Variants in CCN5 observed in about 807,000 individuals in gnomAD.
CCN5 encodes the protein CCN family member 5.
A neutral mutation model predicts 18.7 loss-of-function variants in CCN5; 17 were observed. The observed-to-expected ratio is 0.91, with a 90% CI of 0.62 to 1.36. The LOEUF is 1.36. Ranked by LOEUF, CCN5 falls within the 40% of genes most tolerant of loss-of-function variation. The pLI, the probability that CCN5 is intolerant of heterozygous loss-of-function variation, is 0.00. For missense variants in CCN5, 367 were observed against 342.9 expected (o/e 1.07, Z -0.56); for synonymous variants, 135 against 145.2 (o/e 0.93, Z 0.50).
rs1470651346 is a variant in CCN5 at position 44,724,929 on chromosome 20, T to C, written c.469T>C (p.Cys157Arg). Residue 157 changes from cysteine (C) to arginine (R), a missense_variant, in exon 3 of 4, where the codon TGC (cysteine) becomes CGC (arginine). Coordinates refer to ENST00000190983, the MANE Select transcript of CCN5 (RefSeq NM_003881.4). ...HPRRVEVLGK[C>R]CPEWVCGQGG... Reference sequence around the variant, plus strand: ...CAGGAGGGTCGAGGTCCTGGGCAAGTGCTGCCCTGAGTGGGTGTGCGGCCA... The same window carrying C: ...CAGGAGGGTCGAGGTCCTGGGCAAGCGCTGCCCTGAGTGGGTGTGCGGCCA... The C allele has an allele frequency of 6.3e-7, 1 of 1,597,386 alleles. No individual in the cohort carries two copies. The highest frequency in any genetic ancestry group is 1.1e-5 in the South Asian group (1 of 88,126).
upstream of CCN5, chr20:44,714,992 C>A: frequency 1.0e-5 from 2 of 198,028 alleles, no homozygotes; most frequent in Non-Finnish European, 1.1e-5. Context: ...ACAACTACAG[C>A]AGGGCTAGGA....
Position 44,717,629 on chromosome 20 carries a change from C to A in CCN5, c.60+2179C>A, listed in dbSNP as rs1301759341. On this transcript the variant is annotated intron_variant, in intron 1 of 3. Coordinates refer to ENST00000190983, the MANE Select transcript of CCN5 (RefSeq NM_003881.4). ...TGGTGGCTCATGCCTGTAATCCCAG[C>A]ACTTTGGGAGGCCGAGGTGGGTGGA... Among the ~76,000 whole-genome samples the A allele has an allele frequency of 2.0e-5, 3 of 152,114 alleles. No individual in the cohort carries two copies. In the East Asian group the frequency reaches 5.8e-4, roughly 29 times the overall value.
intron 2 of CCN5, among the ~76,000 whole-genome samples, chr20:44,722,940 C>T (rs891159185): frequency 6.6e-6 from 1 of 152,136 alleles, no homozygotes; most frequent in African/African-American, 2.4e-5. Flanking sequence ...TGCCCCTGGT[C>T]TATTCACAAC....
upstream of CCN5, chr20:44,715,286 T>A: frequency 2.2e-6 from 2 of 906,814 alleles, no homozygotes; most frequent in Non-Finnish European, 1.7e-6. Flanking sequence ...CGCGCGTGTG[T>A]ACTCGTGCGT....
chr20:44,715,404 C>G lies in CCN5; in HGVS notation c.14C>G (p.Pro5Arg), dbSNP rs374907944. The G allele has an allele frequency of 2.5e-6, 4 of 1,603,086 alleles. No homozygotes were observed. Among genetic ancestry groups the G allele is most frequent in the African/African-American group, 2.7e-5 (2 of 74,650 alleles). Residue 5 changes from proline (P) to arginine (R), a missense_variant, in exon 1 of 4, where the codon CCG (proline) becomes CGG (arginine). Physicochemically the swap from Pro to Arg is moderately radical, Grantham distance 103. Coordinates refer to ENST00000190983, the MANE Select transcript of CCN5 (RefSeq NM_003881.4). MRGT[P>R]KTHLLAFSLL... ...TCTGCAGGGGACATGAGAGGCACAC[C>G]GAAGACCCACCTCCTGGCCTTCTCC...
At chr20:44,719,006 G>T (rs556915842) in intron 1 of CCN5, among the ~76,000 whole-genome samples, 13 of 152,182 alleles carry the variant, frequency 8.5e-5, no homozygotes, top group African/African-American at 3.1e-4. Flanking sequence ...TGAATGGATC[G>T]AAAGGCCAAA....
intron 2 of CCN5, 126 bp downstream of exon 2, chr20:44,720,239 A>C: frequency 9.6e-7 from 1 of 1,043,210 alleles, no homozygotes; most frequent in Non-Finnish European, 1.4e-6. Context: ...TATCCCATCC[A>C]TTCCAGCTGA....
chr20:44,725,309 G>C (rs2065929260), intron 3 of CCN5, among the ~76,000 whole-genome samples: 1 of 152,098 alleles, frequency 6.6e-6, no homozygotes, highest in African/African-American at 2.4e-5. Context: ...ATGGTGGCGG[G>C]CATCTGTAGT....
intron 3 of CCN5, among the ~76,000 whole-genome samples, chr20:44,726,785 T>C (rs992493540): frequency 2.6e-5 from 4 of 152,090 alleles, no homozygotes; most frequent in Non-Finnish European, 5.9e-5. Flanking sequence ...GCCTGTAAAA[T>C]GCTGTTTATC....
chr20:44,724,836 G>A lies in CCN5; in HGVS notation c.376G>A (p.Gly126Ser), dbSNP rs1165961240. Reference protein sequence around the residue: ...HCSIRCRCEDGGFTCVPLCSE... With the variant: ...HCSIRCRCEDSGFTCVPLCSE... ...CAGCATCCGCTGCCGCTGCGAGGAC[G>A]GCGGCTTCACCTGCGTGCCGCTGTG... Residue 126 changes from glycine to serine, a missense_variant, in exon 3 of 4, where the codon GGC becomes AGC. Coordinates refer to ENST00000190983, the MANE Select transcript of CCN5 (RefSeq NM_003881.4). 5 of 1,603,986 alleles carry A rather than the reference G, an allele frequency of 3.1e-6. No homozygotes were observed. Among genetic ancestry groups the A allele is most frequent in the African/African-American group, 1.3e-5 (1 of 74,856 alleles).
chr20:44,718,741 G>A (rs368182052), intron 1 of CCN5, among the ~76,000 whole-genome samples: 1 of 152,190 alleles, frequency 6.6e-6, no homozygotes, highest in Non-Finnish European at 1.5e-5. Flanking sequence ...ACACACTGAC[G>A]TGTGCTAAGT....
intron 1 of CCN5, among the ~76,000 whole-genome samples, chr20:44,716,274 C>T (rs1357361831): frequency 6.6e-6 from 1 of 152,176 alleles, no homozygotes; most frequent in Non-Finnish European, 1.5e-5. Flanking sequence ...GGACCAAGGC[C>T]ACAGCTGCTA....
chr20:44,727,006 T>C, intron 3 of CCN5, 81 bp from the exon 4 acceptor site: 3 of 1,369,210 alleles, frequency 2.2e-6, no homozygotes, highest in Non-Finnish European at 3.0e-6. Flanking sequence ...TGACCAAGAT[T>C]GCCGTGGCCG....
rs546308622 is a variant in CCN5 at position 44,727,009 on chromosome 20, C to T, written c.533-78C>T. The T allele has an allele frequency of 1.3e-4, 184 of 1,390,004 alleles. 3 individuals carry two copies. The South Asian group carries it at 2.1e-3, about 16-fold the overall frequency. 86.1% of individuals were successfully genotyped at this position (1,390,004 alleles called of 1,614,324 possible). On this transcript the variant is annotated intron_variant, in intron 3 of 3. Transcript: ENST00000190983. ...GGCTGAGCCATTTGACCAAGATTGC[C>T]GTGGCCGCTGGCAGGTGGGTTGATT...
In CCN5 at chr20:44,727,484, C is replaced by A; in HGVS notation, c.*177C>A. The A allele has an allele frequency of 7.0e-7, 1 of 1,421,424 alleles. No homozygotes were observed. The highest frequency in any genetic ancestry group is 1.6e-5 in the South Asian group (1 of 62,926). 88.1% of individuals were successfully genotyped at this position (1,421,424 alleles called of 1,614,324 possible). A position where few individuals can be genotyped will look rare whatever the true frequency, so the allele number is the denominator to read the frequency against. ...CACGCTGCCTGGTCTGTCTGGATCC[C>A]GAGGTATGGCAGAGGTGCAAGACCT... On this transcript the variant is annotated 3_prime_UTR_variant, in exon 4 of 4. Transcript: ENST00000190983.
At chr20:44,716,306 A>G (rs1283467542) in intron 1 of CCN5, among the ~76,000 whole-genome samples, 1 of 152,186 alleles carries the variant, frequency 6.6e-6, no homozygotes, top group African/African-American at 2.4e-5. Context: ...CCCCTCGGCA[A>G]ATGCTGAGTT....
intron 2 of CCN5, chr20:44,721,592 T>C (rs1285244170): frequency 1.4e-5 from 2 of 146,092 alleles, no homozygotes; most frequent in Non-Finnish European, 3.0e-5. Flanking sequence ...ATAAGGAGGG[T>C]GATTCGTTAC....
rs547527336 is a variant in CCN5 at position 44,718,084 on chromosome 20, C to T, written c.61-1813C>T. On this transcript the variant is annotated intron_variant, in intron 1 of 3. Transcript: ENST00000190983. ...TCTCTAGAATCTGAACAGCCTGCAGCGATGGGATCCACTCCCTTGTGAGGC... is the reference window on the plus strand; with the variant it reads ...TCTCTAGAATCTGAACAGCCTGCAGTGATGGGATCCACTCCCTTGTGAGGC... Among the ~76,000 whole-genome samples the T allele has an allele frequency of 1.1e-4, 17 of 152,158 alleles. 1 individual carries two copies. The South Asian group carries it at 3.1e-3, about 28-fold the overall frequency.
chr20:44,715,119 C>T (rs2065846485), upstream of CCN5: 4 of 473,044 alleles, frequency 8.5e-6, no homozygotes, highest in Admixed American at 3.4e-5. Context: ...CACACACACA[C>T]GGACAGGCAC....
Sources: allele counts gnomAD v4.1 joint callset (sites outside exome capture counted in the v4.1 genomes callset), GRCh38; gene constraint gnomAD v4.1.1; transcripts MANE v1.5; gene names NCBI Gene and HGNC (gene_info 2026-07-23, HGNC 2026-07-21).